GPC5: variants seen among roughly 807,000 people sequenced by gnomAD.
The protein encoded by GPC5 is glypican 5, also known as glypican-5.
GPC5 carries 47 observed loss-of-function variants against 53.9 expected under a neutral mutation model. The ratio of observed to expected loss-of-function variants is 0.87; its 90% CI spans 0.69 to 1.11. The LOEUF (loss-of-function observed/expected upper bound fraction) is 1.11, where lower values mean the gene tolerates loss of function less well. GPC5 is among the 50% of genes most tolerant of loss of function. The probability of loss-of-function intolerance (pLI) is 0.00; values close to 1 mark genes in which losing one functional copy is unlikely to be tolerated. For synonymous variants in GPC5, 286 were observed against 263.3 expected (o/e 1.09, Z -0.84); for missense variants, 748 against 713.1 (o/e 1.05, Z -0.56).
intron 7 of GPC5, among the ~76,000 whole-genome samples, chr13:92,285,466 C>T (rs2042947435): frequency 6.6e-6 from 1 of 152,156 alleles, no homozygotes; most frequent in Admixed American, 6.5e-5. Flanking sequence ...AAGCTGGAGG[C>T]ATCACACTAC....
At chr13:91,987,851 T>TTA (rs1217888780) in intron 6 of GPC5, among the ~76,000 whole-genome samples, 2 of 145,458 alleles carry the variant, frequency 1.4e-5, no homozygotes, top group Non-Finnish European at 3.0e-5. Context: ...CTATATATAA[T>TTA]TATATATATT....
intron 7 of GPC5, among the ~76,000 whole-genome samples, chr13:92,247,309 TATTA>T (rs755583122): frequency 5.3e-5 from 8 of 152,264 alleles, no homozygotes; most frequent in Middle Eastern, 6.8e-3. Flanking sequence ...ATGAAGAAGG[TATTA>T]ATTGAGACAG....
At chr13:91,720,624 T>C (rs774702886) in intron 3 of GPC5, among the ~76,000 whole-genome samples, 1 of 152,100 alleles carries the variant, frequency 6.6e-6, no homozygotes, top group Non-Finnish European at 1.5e-5. Flanking sequence ...TTGCCTGATC[T>C]CTCCCTTGAG....
At chr13:92,861,220 T>C (rs1266647663) in intron 7 of GPC5, among the ~76,000 whole-genome samples, 1 of 152,190 alleles carries the variant, frequency 6.6e-6, no homozygotes, top group African/African-American at 2.4e-5. Context: ...GCTTAGGATT[T>C]TCATTAACAA....
At chr13:91,606,878 C>T (rs1022990505) in intron 2 of GPC5, among the ~76,000 whole-genome samples, 6 of 151,492 alleles carry the variant, frequency 4.0e-5, no homozygotes, top group African/African-American at 1.2e-4. Flanking sequence ...AGCGGTCTAT[C>T]AATTTTGTTG....
At chr13:91,936,049 ACT>A (rs1412715046) in intron 6 of GPC5, among the ~76,000 whole-genome samples, 2 of 151,968 alleles carry the variant, frequency 1.3e-5, no homozygotes, top group African/African-American at 2.4e-5. Context: ...TCCTATCTTC[ACT>A]CTGTATATCA....
intron 2 of GPC5, among the ~76,000 whole-genome samples, chr13:91,550,313 GATGAATAC>G (rs1324985500): frequency 6.6e-6 from 1 of 152,074 alleles, no homozygotes; most frequent in African/African-American, 2.4e-5. Flanking sequence ...ATACTATAAT[GATGAATAC>G]ATGTCACTAA....
chr13:92,301,910 A>AAATT (rs558864239), intron 7 of GPC5, among the ~76,000 whole-genome samples: 3 of 152,034 alleles, frequency 2.0e-5, no homozygotes, highest in Non-Finnish European at 2.9e-5. Context: ...ATAAATAAAT[A>AAATT]AATTAATTAA....
Position 91,647,527 on chromosome 13 carries a change from A to T in GPC5, c.326-45660A>T, listed in dbSNP as rs1454597140. On this transcript the variant is annotated intron_variant, in intron 2 of 7. Coordinates refer to ENST00000377067, the MANE Select transcript of GPC5 (RefSeq NM_004466.6). The stretch of plus-strand genomic sequence containing the variant: ...TGACATCATTTCTGCATTCCTCCTG[A>T]GGCCACACCTTTCCGTGCTGCCCCC... 2.0e-5 allele frequency among the ~76,000 whole-genome samples: 3 copies of T among 152,204 alleles called. No individual in the cohort carries two copies. The East Asian group carries it at 5.8e-4, about 29-fold the overall frequency.
intron 7 of GPC5, among the ~76,000 whole-genome samples, chr13:92,718,723 C>G (rs552860344): frequency 1.3e-5 from 2 of 151,812 alleles, no homozygotes; most frequent in Admixed American, 1.3e-4. Flanking sequence ...AAATACAAAA[C>G]TTAGCCGGGC....
chr13:92,300,161 C>T (rs1226851958), intron 7 of GPC5, among the ~76,000 whole-genome samples: 7 of 152,118 alleles, frequency 4.6e-5, no homozygotes, highest in Non-Finnish European at 1.0e-4. Flanking sequence ...GACTATAGAA[C>T]AATGGATATT....
intron 1 of GPC5, among the ~76,000 whole-genome samples, chr13:91,409,993 AG>A (rs957532867): frequency 2.0e-5 from 3 of 152,260 alleles, no homozygotes; most frequent in African/African-American, 7.2e-5. Flanking sequence ...TAATTTGCTT[AG>A]GATAATGGCC....
chr13:92,293,422 C>CTTTTTTTTTTTTTT (rs748125673), intron 7 of GPC5, among the ~76,000 whole-genome samples: 1 of 77,272 alleles, frequency 1.3e-5, no homozygotes, highest in African/African-American at 5.6e-5. Context: ...TGGTTGGTTT[C>CTTTTTTTTTTTTTT]TTTTTTTTTT....
chr13:92,095,110 T>C (rs2041411883), intron 6 of GPC5, among the ~76,000 whole-genome samples: 1 of 152,122 alleles, frequency 6.6e-6, no homozygotes, highest in African/African-American at 2.4e-5. Flanking sequence ...CTGATGCAAT[T>C]TGAGAATAGA....
chr13:91,404,538 A>G (rs541602010), intron 1 of GPC5, among the ~76,000 whole-genome samples: 2 of 152,336 alleles, frequency 1.3e-5, no homozygotes, highest in Admixed American at 6.5e-5. Context: ...TGTGCTCTCA[A>G]TTCTTGAACT....
chr13:91,424,138 G>T (rs1042291750), intron 1 of GPC5, among the ~76,000 whole-genome samples: 2 of 152,114 alleles, frequency 1.3e-5, no homozygotes, highest in African/African-American at 4.8e-5. Context: ...TAATCAGGAA[G>T]TGGAACTCTT....
chr13:92,120,202 G>A (rs1026954242), intron 6 of GPC5, among the ~76,000 whole-genome samples: 7 of 152,112 alleles, frequency 4.6e-5, no homozygotes, highest in African/African-American at 1.7e-4. Flanking sequence ...GTAAACTCTT[G>A]ATAAAATTTA....
At chr13:92,246,618 T>C (rs1464868569) in intron 7 of GPC5, among the ~76,000 whole-genome samples, 5 of 152,142 alleles carry the variant, frequency 3.3e-5, no homozygotes, top group Non-Finnish European at 5.9e-5. Context: ...AACTAATACT[T>C]AGCTGAGGTT....
chr13:92,010,712 A>G (rs979526346), intron 6 of GPC5, among the ~76,000 whole-genome samples: 1 of 152,200 alleles, frequency 6.6e-6, no homozygotes, highest in African/African-American at 2.4e-5. Flanking sequence ...AAGAAAGGCC[A>G]CAGCAAGAGA....
Sources: gnomAD v4.1 joint callset for allele counts (sites outside exome capture counted in the v4.1 genomes callset) on GRCh38, gnomAD v4.1.1 for gene constraint, MANE v1.5 for transcripts, NCBI Gene and HGNC (gene_info 2026-07-23, HGNC 2026-07-21) for gene names.